JARID2: variants seen among roughly 807,000 people sequenced by gnomAD.
JARID2 encodes the protein protein Jumonji.
In JARID2, 21 loss-of-function variants were observed where a neutral mutation model predicts 125.6. The ratio of observed to expected loss-of-function variants is 0.17; its 90% CI spans 0.12 to 0.24. The LOEUF (loss-of-function observed/expected upper bound fraction) is 0.24. Among genes scored for constraint, JARID2 ranks in the 10% least tolerant of loss-of-function variants. The pLI, the probability that JARID2 is intolerant of heterozygous loss-of-function variation, is 1.00. For missense variants in JARID2, 1,303 were observed against 1,639.6 expected (o/e 0.79, Z 3.55); for synonymous variants, 736 against 661.6 (o/e 1.11, Z -1.73).
At chr6:15,263,443 C>G (rs1759963612) in intron 1 of JARID2, among the ~76,000 whole-genome samples, 1 of 151,980 alleles carries the variant, frequency 6.6e-6, no homozygotes, top group African/African-American at 2.4e-5. Flanking sequence ...GAAAAACTAC[C>G]CTTCGTAATG....
rs1759188964 is a variant in JARID2 at position 15,246,536 on chromosome 6, CAGAA to C, written c.-3_1del. ...CCTTTTGCAATCAGCATTTGGATCT[CAGAA>C]TGAGCAAGGAAAGACCCAAGAGGAA... is the stretch of plus-strand genomic sequence containing the variant. On this transcript the variant is annotated start_lost and 5_prime_UTR_variant, in exon 1 of 18. Transcript: ENST00000341776. 6.2e-7 allele frequency: 1 copy of C among 1,612,984 alleles called. No individual in the cohort carries two copies. The highest frequency in any genetic ancestry group is 1.3e-5 in the African/African-American group (1 of 74,872).
At chr6:15,415,640 G>C (rs1581529212) in intron 3 of JARID2, among the ~76,000 whole-genome samples, 1 of 148,002 alleles carries the variant, frequency 6.8e-6, no homozygotes, top group South Asian at 2.2e-4. Flanking sequence ...GGCCGGGCGG[G>C]GGGCTGACCC....
chr6:15,513,113 G>A, intron 15 of JARID2, 68 bp downstream of exon 15: 2 of 1,605,490 alleles, frequency 1.2e-6, no homozygotes, highest in South Asian at 1.1e-5. Flanking sequence ...CACCCCCCGA[G>A]CAGGCCTCAC....
At chr6:15,445,446 C>T (rs543953073) in intron 3 of JARID2, among the ~76,000 whole-genome samples, 14 of 152,250 alleles carry the variant, frequency 9.2e-5, no homozygotes, top group African/African-American at 1.9e-4. Context: ...AATTTTTAAG[C>T]GGTGATACCT....
chr6:15,468,660 T>C lies in JARID2; in HGVS notation c.612T>C (p.Ser204=). The change falls in exon 5 of 18, where the codon TCT becomes TCC. Residue 204 remains serine, a synonymous_variant. Coordinates refer to ENST00000341776, the MANE Select transcript of JARID2 (RefSeq NM_004973.4). The stretch of plus-strand genomic sequence containing the variant: ...AAACAGCCACCAACAATGCTTCATC[T>C]TCATGCCAGTCGACCCCCAGGAAAG... ...DVKTATNNAS[S]SCQSTPRKGK... 6.2e-7 allele frequency: 1 copy of C among 1,614,110 alleles called. No homozygotes were observed. The highest frequency in any genetic ancestry group is 1.1e-5 in the South Asian group (1 of 91,084).
At chr6:15,492,754 A>T (rs996505173) in intron 6 of JARID2, among the ~76,000 whole-genome samples, 3 of 152,106 alleles carry the variant, frequency 2.0e-5, no homozygotes, top group Admixed American at 6.5e-5. Flanking sequence ...GGTTTCGAGG[A>T]GGAAGATGGC....
intron 1 of JARID2, among the ~76,000 whole-genome samples, chr6:15,272,343 C>G (rs543735917): frequency 4.6e-4 from 70 of 152,102 alleles, no homozygotes; most frequent in Non-Finnish European, 8.4e-4. Context: ...CCATGTCTTG[C>G]TTTAGTAGAC....
chr6:15,428,540 G>A (rs1766829292), intron 3 of JARID2, among the ~76,000 whole-genome samples: 3 of 152,114 alleles, frequency 2.0e-5, no homozygotes, highest in Admixed American at 6.5e-5. Context: ...TTGTCCTTGC[G>A]GTAGTTTGCT....
At chr6:15,436,493 C>G (rs538509015) in intron 3 of JARID2, among the ~76,000 whole-genome samples, 18 of 152,230 alleles carry the variant, frequency 1.2e-4, no homozygotes, top group African/African-American at 3.4e-4. Flanking sequence ...TATAGGTTTT[C>G]ATAGGCCCAG....
intron 1 of JARID2, among the ~76,000 whole-genome samples, chr6:15,365,656 A>C (rs1192390243): frequency 1.3e-5 from 2 of 152,092 alleles, no homozygotes; most frequent in Non-Finnish European, 2.9e-5. Context: ...ATCAAAGATA[A>C]GTACACATTA....
intron 5 of JARID2, among the ~76,000 whole-genome samples, chr6:15,485,982 A>G (rs558855489): frequency 2.0e-5 from 3 of 152,324 alleles, no homozygotes; most frequent in Non-Finnish European, 4.4e-5. Flanking sequence ...TGTGGGGGTG[A>G]GGGAATTCTA....
intron 1 of JARID2, among the ~76,000 whole-genome samples, chr6:15,344,195 T>C (rs1191471367): frequency 6.8e-6 from 1 of 145,990 alleles, no homozygotes; most frequent in Non-Finnish European, 1.5e-5. Flanking sequence ...GAAGCGTTTT[T>C]GGAAAGTAGA....
intron 1 of JARID2, among the ~76,000 whole-genome samples, chr6:15,307,159 C>G (rs1761857664): frequency 6.6e-6 from 1 of 151,890 alleles, no homozygotes. Context: ...GGAGAATCGC[C>G]TGAACCCCGG....
chr6:15,478,710 C>G (rs1213791551), intron 5 of JARID2, among the ~76,000 whole-genome samples: 1 of 152,056 alleles, frequency 6.6e-6, no homozygotes, highest in Non-Finnish European at 1.5e-5. Flanking sequence ...ACTCTTGTCA[C>G]CTAGGCTGGA....
chr6:15,501,648 G>A (rs1770740947), intron 8 of JARID2, among the ~76,000 whole-genome samples: 1 of 152,174 alleles, frequency 6.6e-6, no homozygotes, highest in East Asian at 1.9e-4. Flanking sequence ...AGCCTGGGAA[G>A]TCCAATATCG....
At chr6:15,267,186 T>A (rs1159786144) in intron 1 of JARID2, among the ~76,000 whole-genome samples, 1 of 152,222 alleles carries the variant, frequency 6.6e-6, no homozygotes, top group Non-Finnish European at 1.5e-5. Context: ...CTGAACACAG[T>A]GTCCAAAGAG....
intron 5 of JARID2, among the ~76,000 whole-genome samples, chr6:15,486,805 A>AATTTTT (rs766075740): frequency 2.5e-5 from 1 of 40,640 alleles, no homozygotes. Flanking sequence ...CTGAGAATAG[A>AATTTTT]CTTTTTTTTT....
rs893932740 is a variant in JARID2, at chr6:15,484,856, A to T, written c.671-2451A>T. Among the ~76,000 whole-genome samples, 36 of 147,908 alleles carry T rather than the reference A, an allele frequency of 2.4e-4. 1 individual carries two copies. The highest frequency in any genetic ancestry group is 1.1e-3 in the Admixed American group (17 of 15,066). On this transcript the variant is annotated intron_variant, in intron 5 of 17. Coordinates refer to ENST00000341776, the MANE Select transcript of JARID2 (RefSeq NM_004973.4). ...GAAGTTTGGAGGAGTATTGGAGATT[A>T]AAAAAAAAGCAACTACTTCCTATGT...
chr6:15,516,290 G>A (rs1446173379), intron 16 of JARID2, among the ~76,000 whole-genome samples: 1 of 152,226 alleles, frequency 6.6e-6, no homozygotes, highest in African/African-American at 2.4e-5. Flanking sequence ...CCTCTTGAGT[G>A]TTAAGACTGA....
Sources: gnomAD v4.1 joint callset for allele counts (sites outside exome capture counted in the v4.1 genomes callset) on GRCh38, gnomAD v4.1.1 for gene constraint, MANE v1.5 for transcripts, NCBI Gene and HGNC (gene_info 2026-07-23, HGNC 2026-07-21) for gene names.